Variants in CNTN4 observed in about 807,000 individuals in gnomAD.
The protein encoded by CNTN4 is contactin-4.
CNTN4 carries 77 observed loss-of-function variants against 122.5 expected under a neutral mutation model. That is an observed-to-expected ratio of 0.63 (90% CI 0.52 to 0.76). CNTN4 has a LOEUF of 0.76. CNTN4 is among the 30% of genes least tolerant of loss of function. CNTN4 has a pLI of 0.00. For synonymous variants in CNTN4, 512 were observed against 447.0 expected, an observed-to-expected ratio of 1.15 and a Z score of -1.83; for missense variants, 1,256 against 1,259.1, an observed-to-expected ratio of 1.00 and a Z score of 0.04.
At chr3:2,792,755 G>A (rs1001256028) in intron 6 of CNTN4, among the ~76,000 whole-genome samples, 1 of 152,224 alleles carries the variant, frequency 6.6e-6, no homozygotes, top group Non-Finnish European at 1.5e-5. Context: ...CCTTGTGAGA[G>A]AGAATAGGGT....
At chr3:2,907,205 A>G (rs1327997116) in intron 12 of CNTN4, among the ~76,000 whole-genome samples, 1 of 152,234 alleles carries the variant, frequency 6.6e-6, no homozygotes, top group Non-Finnish European at 1.5e-5. Context: ...CTAAATTGTC[A>G]TTACCTATGC....
chr3:2,365,418 A>G (rs1285709754), intron 3 of CNTN4, among the ~76,000 whole-genome samples: 2 of 152,154 alleles, frequency 1.3e-5, no homozygotes, highest in African/African-American at 4.8e-5. Context: ...CATGTTTCCC[A>G]TTACTTTCCA....
At chr3:2,870,150 C>T (rs1432430589) in intron 8 of CNTN4, among the ~76,000 whole-genome samples, 2 of 152,350 alleles carry the variant, frequency 1.3e-5, no homozygotes, top group East Asian at 1.9e-4. Context: ...GGAACACAAG[C>T]ACTCCAGAAT....
chr3:2,302,576 T>C (rs921184390), intron 2 of CNTN4, among the ~76,000 whole-genome samples: 1 of 152,198 alleles, frequency 6.6e-6, no homozygotes, highest in Non-Finnish European at 1.5e-5. Flanking sequence ...TGAAATGCAA[T>C]AATATTTTCT....
chr3:2,796,783 T>C (rs752806869), intron 6 of CNTN4, among the ~76,000 whole-genome samples: 47 of 152,206 alleles, frequency 3.1e-4, no homozygotes, highest in Non-Finnish European at 6.0e-4. Flanking sequence ...CAACTAAGTT[T>C]GCATTTATTT....
intron 3 of CNTN4, among the ~76,000 whole-genome samples, chr3:2,525,271 A>C (rs1244143896): frequency 1.3e-5 from 2 of 152,150 alleles, no homozygotes; most frequent in African/African-American, 2.4e-5. Flanking sequence ...TCCAATTGAA[A>C]ATAGGCTAGA....
At chr3:2,819,730 C>T (rs1254935077) in intron 7 of CNTN4, 149 bp downstream of exon 7, 4 of 713,506 alleles carry the variant, frequency 5.6e-6, no homozygotes, top group African/African-American at 1.7e-5. Flanking sequence ...ACGGTGAATG[C>T]CTCCCATCAT....
intron 3 of CNTN4, among the ~76,000 whole-genome samples, chr3:2,529,842 A>G (rs978023829): frequency 6.6e-6 from 1 of 152,184 alleles, no homozygotes; most frequent in Non-Finnish European, 1.5e-5. Context: ...GACATCACTG[A>G]CAATAGATAA....
At chr3:2,646,183 C>T (rs529391857) in intron 4 of CNTN4, among the ~76,000 whole-genome samples, 4 of 152,266 alleles carry the variant, frequency 2.6e-5, no homozygotes, top group Non-Finnish European at 5.9e-5. Context: ...AAAGTATCTA[C>T]TAGTGTGGAT....
chr3:2,368,177 G>A (rs561792799), intron 3 of CNTN4, among the ~76,000 whole-genome samples: 22 of 149,100 alleles, frequency 1.5e-4, no homozygotes, highest in African/African-American at 5.6e-4. Flanking sequence ...GGACTACAGG[G>A]CCCGCCACCA....
intron 4 of CNTN4, among the ~76,000 whole-genome samples, chr3:2,665,577 C>T (rs965862149): frequency 1.3e-5 from 2 of 152,208 alleles, no homozygotes; most frequent in South Asian, 2.1e-4. Flanking sequence ...ATTTCCTGGT[C>T]ACTTGGGAGA....
chr3:2,963,488 A>G lies in CNTN4; in HGVS notation c.1359-24857A>G, dbSNP rs561837441. Among the ~76,000 whole-genome samples the G allele has an allele frequency of 1.2e-4, 18 of 152,196 alleles. No individual in the cohort carries two copies. In the East Asian group the frequency reaches 3.3e-3, roughly 28 times the overall value. Reference sequence around the variant, plus strand: ...TCTTACCACTCCACTCACCCATCCCACTGGCCTTTCTGTTCCAGGAAAACA... The same window carrying G: ...TCTTACCACTCCACTCACCCATCCCGCTGGCCTTTCTGTTCCAGGAAAACA... On this transcript the variant is annotated intron_variant, in intron 13 of 24. Coordinates refer to ENST00000418658, the MANE Select transcript of CNTN4 (RefSeq NM_175607.3).
chr3:2,420,204 CT>C (rs1559536397), intron 3 of CNTN4, among the ~76,000 whole-genome samples: 1 of 152,150 alleles, frequency 6.6e-6, no homozygotes, highest in African/African-American at 2.4e-5. Flanking sequence ...TTCCTCAGCA[CT>C]TTTTCCAAAA....
At chr3:2,814,372 G>C (rs1339779564) in intron 6 of CNTN4, among the ~76,000 whole-genome samples, 1 of 152,212 alleles carries the variant, frequency 6.6e-6, no homozygotes, top group East Asian at 1.9e-4. Flanking sequence ...TACAAGCCAA[G>C]TGTAATTGTT....
At chr3:2,401,968 G>A (rs72622132) in intron 3 of CNTN4, among the ~76,000 whole-genome samples, 4,043 of 152,234 alleles carry the variant, frequency 0.027, 118 homozygotes, top group East Asian at 0.14. Context: ...ATGTATTAGA[G>A]CTGCCCTTGG....
At chr3:2,470,447 TA>T (rs1392209300) in intron 3 of CNTN4, among the ~76,000 whole-genome samples, 1 of 152,200 alleles carries the variant, frequency 6.6e-6, no homozygotes, top group Non-Finnish European at 1.5e-5. Flanking sequence ...TTTCTATTGA[TA>T]AAATTGTACA....
chr3:2,837,049 A>T (rs529894810), intron 7 of CNTN4, among the ~76,000 whole-genome samples: 1 of 152,328 alleles, frequency 6.6e-6, no homozygotes, highest in Non-Finnish European at 1.5e-5. Flanking sequence ...TTATACCATG[A>T]TTTCTACTTT....
Position 2,554,714 on chromosome 3 carries a change from G to A in CNTN4, c.-88-16702G>A, listed in dbSNP as rs139846617. 1.7e-4 allele frequency among the ~76,000 whole-genome samples: 26 copies of A among 152,276 alleles called. No individual in the cohort carries two copies. In the East Asian group the frequency reaches 4.8e-3, roughly 28 times the overall value. ...TGCCAAAATGAGCAAGCATTGATGT[G>A]TTCCAATATTACTTACAAAAATAGA... On this transcript the variant is annotated intron_variant, in intron 3 of 24. Transcript: ENST00000418658.
At chr3:2,466,888 G>C (rs2075515886) in intron 3 of CNTN4, among the ~76,000 whole-genome samples, 2 of 151,708 alleles carry the variant, frequency 1.3e-5, no homozygotes, top group South Asian at 4.1e-4. Context: ...AGAGAAAGTA[G>C]AGGGTCCTTT....
Sources: gnomAD v4.1 joint callset for allele counts (sites outside exome capture counted in the v4.1 genomes callset) on GRCh38, gnomAD v4.1.1 for gene constraint, MANE v1.5 for transcripts, NCBI Gene and HGNC (gene_info 2026-07-23, HGNC 2026-07-21) for gene names.